Variants in TRPS1 observed in about 807,000 individuals in gnomAD.
TRPS1 encodes zinc finger transcription factor Trps1.
TRPS1 carries 6 observed loss-of-function variants against 101.2 expected under a neutral mutation model. That is an observed-to-expected ratio of 0.06 (90% CI 0.03 to 0.12). The LOEUF (loss-of-function observed/expected upper bound fraction) is 0.12. TRPS1 is among the 10% of genes least tolerant of loss of function. TRPS1 has a pLI of 1.00. For missense variants in TRPS1, 1,363 were observed against 1,567.0 expected (o/e 0.87, Z 2.20); for synonymous variants, 578 against 589.8 (o/e 0.98, Z 0.29).
At chr8:115,488,347 G>A (rs1814937324) in intron 5 of TRPS1, among the ~76,000 whole-genome samples, 1 of 152,074 alleles carries the variant, frequency 6.6e-6, no homozygotes, top group Non-Finnish European at 1.5e-5. Flanking sequence ...TTATTGCAGT[G>A]GTGTGGAACC....
chr8:115,528,422 T>C (rs531394421), intron 5 of TRPS1, among the ~76,000 whole-genome samples: 1 of 152,174 alleles, frequency 6.6e-6, no homozygotes, highest in East Asian at 1.9e-4. Flanking sequence ...AGCACTCGCA[T>C]AGACAGAAAA....
At chr8:115,615,412 G>A (rs1248670233) in intron 3 of TRPS1, among the ~76,000 whole-genome samples, 1 of 152,132 alleles carries the variant, frequency 6.6e-6, no homozygotes, top group Non-Finnish European at 1.5e-5. Flanking sequence ...AGCAAAGGCC[G>A]CGTTGTTAAT....
At chr8:115,556,948 A>G (rs1179283376) in intron 5 of TRPS1, among the ~76,000 whole-genome samples, 1 of 152,194 alleles carries the variant, frequency 6.6e-6, no homozygotes, top group Non-Finnish European at 1.5e-5. Flanking sequence ...GCTGCTGATA[A>G]AGACATATCC....
intron 3 of TRPS1, among the ~76,000 whole-genome samples, chr8:115,614,056 C>T (rs557814950): frequency 1.3e-5 from 2 of 152,172 alleles, no homozygotes; most frequent in East Asian, 1.9e-4. Context: ...GAAAATGAAA[C>T]AGAACAACTT....
At chr8:115,597,037 G>C (rs891469813) in intron 4 of TRPS1, among the ~76,000 whole-genome samples, 2 of 151,624 alleles carry the variant, frequency 1.3e-5, no homozygotes, top group Non-Finnish European at 3.0e-5. Context: ...AATCTTTTTT[G>C]GAAAGACAAT....
intron 5 of TRPS1, among the ~76,000 whole-genome samples, chr8:115,453,186 A>G (rs1488634822): frequency 6.6e-6 from 1 of 151,876 alleles, no homozygotes; most frequent in Non-Finnish European, 1.5e-5. Context: ...ACATCCAGCT[A>G]CCTTTTGTAT....
intron 5 of TRPS1, among the ~76,000 whole-genome samples, chr8:115,454,364 A>C (rs1054947596): frequency 6.6e-6 from 1 of 152,176 alleles, no homozygotes; most frequent in Admixed American, 6.5e-5. Context: ...TGTCTTTTAA[A>C]GCTTTTCAAG....
At chr8:115,649,316 G>A (rs1359294189) in intron 1 of TRPS1, among the ~76,000 whole-genome samples, 1 of 152,164 alleles carries the variant, frequency 6.6e-6, no homozygotes, top group Non-Finnish European at 1.5e-5. Flanking sequence ...GGAAGATACA[G>A]CAACTCAAAT....
intron 5 of TRPS1, among the ~76,000 whole-genome samples, chr8:115,519,078 T>C (rs1815793156): frequency 6.6e-6 from 1 of 151,836 alleles, no homozygotes; most frequent in East Asian, 1.9e-4. Flanking sequence ...TGATGTATTA[T>C]CCTTATGGTA....
intron 5 of TRPS1, among the ~76,000 whole-genome samples, chr8:115,432,292 T>G (rs1237602294): frequency 1.3e-5 from 2 of 151,926 alleles, no homozygotes; most frequent in Middle Eastern, 6.8e-3. Context: ...AGTTACTACG[T>G]GCTTCAAAAT....
chr8:115,448,499 G>T (rs1486959046), intron 5 of TRPS1, among the ~76,000 whole-genome samples: 2 of 152,078 alleles, frequency 1.3e-5, no homozygotes, highest in Non-Finnish European at 2.9e-5. Flanking sequence ...ATGGAAAAGA[G>T]CTCTCTTTCC....
At chr8:115,586,613 A>G (rs531318284) in intron 5 of TRPS1, among the ~76,000 whole-genome samples, 17 of 152,308 alleles carry the variant, frequency 1.1e-4, no homozygotes, top group Admixed American at 2.6e-4. Context: ...CTTATTAACC[A>G]TATATTGTCA....
intron 2 of TRPS1, 147 bp downstream of exon 2, chr8:115,623,454 C>A: frequency 1.3e-6 from 1 of 793,582 alleles, no homozygotes; most frequent in East Asian, 2.8e-5. Flanking sequence ...GAAGAAACTC[C>A]CCTAGCGAGT....
intron 5 of TRPS1, among the ~76,000 whole-genome samples, chr8:115,514,466 G>A (rs1032175563): frequency 2.0e-5 from 3 of 151,316 alleles, no homozygotes; most frequent in Admixed American, 1.3e-4. Flanking sequence ...GCATATATTC[G>A]TTTTATTAGA....
intron 1 of TRPS1, among the ~76,000 whole-genome samples, chr8:115,625,975 A>G (rs1818499457): frequency 6.6e-6 from 1 of 151,908 alleles, no homozygotes; most frequent in Admixed American, 6.6e-5. Context: ...CACAAAAAGA[A>G]AAGTCATCGA....
intron 5 of TRPS1, among the ~76,000 whole-genome samples, chr8:115,561,626 G>A (rs1445775460): frequency 1.3e-5 from 2 of 151,952 alleles, no homozygotes; most frequent in Non-Finnish European, 2.9e-5. Flanking sequence ...TAAATTGAAC[G>A]AAACCTGCTA....
intron 5 of TRPS1, among the ~76,000 whole-genome samples, chr8:115,559,746 T>A (rs1816904606): frequency 6.6e-6 from 1 of 152,104 alleles, no homozygotes; most frequent in African/African-American, 2.4e-5. Flanking sequence ...TTTTAAAAAA[T>A]GTCAAATTCC....
chr8:115,480,614 T>C (rs886335936), intron 5 of TRPS1, among the ~76,000 whole-genome samples: 5 of 152,084 alleles, frequency 3.3e-5, no homozygotes, highest in African/African-American at 1.2e-4. Context: ...AATCTCTTAA[T>C]GTGTAACCTC....
intron 5 of TRPS1, among the ~76,000 whole-genome samples, chr8:115,525,127 A>G (rs2142327): frequency 0.26 from 40,111 of 152,026 alleles, 6,224 homozygotes; most frequent in Middle Eastern, 0.47. Context: ...TTTCAATTTT[A>G]CCAGAAATTA....
Sources: gnomAD v4.1 joint callset for allele counts (sites outside exome capture counted in the v4.1 genomes callset) on GRCh38, gnomAD v4.1.1 for gene constraint, MANE v1.5 for transcripts, NCBI Gene and HGNC (gene_info 2026-07-23, HGNC 2026-07-21) for gene names.